NEGR1: variants seen among roughly 807,000 people sequenced by gnomAD.
NEGR1 encodes neuronal growth regulator 1.
A neutral mutation model predicts 40.9 loss-of-function variants in NEGR1; 10 were observed. The ratio of observed to expected loss-of-function variants is 0.24; its 90% confidence interval spans 0.15 to 0.42. The LOEUF (loss-of-function observed/expected upper bound fraction) is 0.42, where lower values mean the gene tolerates loss of function less well. NEGR1 is among the 10% of genes least tolerant of loss of function. The pLI is 1.00. For missense variants in NEGR1, 352 were observed against 438.9 expected (o/e 0.80, Z 1.77); for synonymous variants, 185 against 166.8 (o/e 1.11, Z -0.84).
intron 1 of NEGR1, among the ~76,000 whole-genome samples, chr1:72,084,475 G>C (rs1294696517): frequency 6.6e-6 from 1 of 152,090 alleles, no homozygotes; most frequent in Non-Finnish European, 1.5e-5. Context: ...TTTTTCAACT[G>C]TAATTGATCA....
chr1:72,193,718 C>T (rs945119520), intron 1 of NEGR1, among the ~76,000 whole-genome samples: 1 of 150,960 alleles, frequency 6.6e-6, no homozygotes, highest in Non-Finnish European at 1.5e-5. Context: ...TACTTTTATA[C>T]AGATACATAC....
At chr1:71,491,517 T>G (rs1646927284) in intron 6 of NEGR1, among the ~76,000 whole-genome samples, 1 of 151,396 alleles carries the variant, frequency 6.6e-6, no homozygotes, top group African/African-American at 2.4e-5. Flanking sequence ...AGTGTTATGA[T>G]GGAGGGGGAG....
intron 1 of NEGR1, among the ~76,000 whole-genome samples, chr1:71,946,994 T>C (rs1646025368): frequency 6.7e-6 from 1 of 150,290 alleles, no homozygotes; most frequent in Non-Finnish European, 1.5e-5. Flanking sequence ...GATGGAAGGA[T>C]GGCTTGAGTC....
chr1:71,555,136 G>A lies in NEGR1; in HGVS notation c.940+37681C>T, dbSNP rs747408751. On this transcript the variant is annotated intron_variant, in intron 6 of 6. Coordinates refer to ENST00000357731, the MANE Select transcript of NEGR1 (RefSeq NM_173808.3). Reference sequence around the variant, plus strand: ...GTAATGGATTGAGAAGCCCTAGTTGGCCATTGCTGCCATGAATCCCCCTCA... The same window carrying A: ...GTAATGGATTGAGAAGCCCTAGTTGACCATTGCTGCCATGAATCCCCCTCA... Among the ~76,000 whole-genome samples, 117 of 151,664 alleles carry A rather than the reference G, an allele frequency of 7.7e-4. 1 individual carries two copies. The highest frequency in any genetic ancestry group is 1.3e-3 in the Non-Finnish European group (89 of 67,694).
intron 3 of NEGR1, among the ~76,000 whole-genome samples, chr1:71,729,921 T>A (rs948103762): frequency 1.8e-4 from 27 of 151,802 alleles, no homozygotes; most frequent in Admixed American, 1.7e-3. Context: ...GAGAAAAGAA[T>A]CTTTTTTATT....
chr1:71,402,775 A>T lies in NEGR1; in HGVS notation c.*4671T>A, dbSNP rs1646254756. 6.6e-6 allele frequency: 1 copy of T among 152,104 alleles called. No homozygotes were observed. Among genetic ancestry groups the T allele is most frequent in the Admixed American group, 6.6e-5 (1 of 15,260 alleles). The allele number at this position is 152,104 out of a possible 1,614,324, so 9.4% of individuals were successfully genotyped here. A position where few individuals can be genotyped will look rare whatever the true frequency, so the allele number is the denominator to read the frequency against. Reference sequence around the variant, plus strand: ...GAATAATTATTTTCTGTATACCAAGATATGATTTTGAAGCATCTATGTTTT... The same window carrying T: ...GAATAATTATTTTCTGTATACCAAGTTATGATTTTGAAGCATCTATGTTTT... On this transcript the variant is annotated 3_prime_UTR_variant, in exon 7 of 7. Transcript: ENST00000357731.
At chr1:71,505,975 GA>G (rs1046088652) in intron 6 of NEGR1, among the ~76,000 whole-genome samples, 1 of 151,694 alleles carries the variant, frequency 6.6e-6, no homozygotes, top group Non-Finnish European at 1.5e-5. Context: ...AATTTTTAGA[GA>G]AAAAAAAGTT....
rs527665692 is a variant in NEGR1 at position 71,435,290 on chromosome 1, T to C, written c.941-27720A>G. On this transcript the variant is annotated intron_variant, in intron 6 of 6. Transcript: ENST00000357731. ...ATGATTAGAGAAGAATTGAAGTTATTACGTGACAATTGGCAAAAGGAAGGT... is the reference window on the plus strand; with the variant it reads ...ATGATTAGAGAAGAATTGAAGTTATCACGTGACAATTGGCAAAAGGAAGGT... 5.3e-5 allele frequency among the ~76,000 whole-genome samples: 8 copies of C among 152,258 alleles called. No individual in the cohort carries two copies. The South Asian group carries it at 1.7e-3, about 32-fold the overall frequency.
At chr1:72,254,423 C>A (rs1481724630) in intron 1 of NEGR1, among the ~76,000 whole-genome samples, 1 of 152,094 alleles carries the variant, frequency 6.6e-6, no homozygotes, top group African/African-American at 2.4e-5. Flanking sequence ...GCATATTAGG[C>A]CAGGCGTGGT....
intron 1 of NEGR1, among the ~76,000 whole-genome samples, chr1:72,089,000 G>A (rs757745792): frequency 6.6e-6 from 1 of 151,740 alleles, no homozygotes; most frequent in Non-Finnish European, 1.5e-5. Context: ...TAAAAGGAAT[G>A]CTTTACCAAG....
intron 6 of NEGR1, among the ~76,000 whole-genome samples, chr1:71,525,352 C>T (rs1281623673): frequency 6.6e-6 from 1 of 151,632 alleles, no homozygotes; most frequent in Non-Finnish European, 1.5e-5. Context: ...CCTTTGTTTC[C>T]CTTCCTTTTT....
At chr1:71,632,800 C>A (rs1651018432) in intron 4 of NEGR1, among the ~76,000 whole-genome samples, 1 of 151,876 alleles carries the variant, frequency 6.6e-6, no homozygotes, top group Admixed American at 6.6e-5. Context: ...TCTGACTGAA[C>A]AGATGAATGA....
intron 1 of NEGR1, among the ~76,000 whole-genome samples, chr1:71,971,161 C>A (rs988432236): frequency 2.6e-5 from 4 of 152,164 alleles, no homozygotes; most frequent in Non-Finnish European, 5.9e-5. Context: ...GTGAAGCCAC[C>A]AGAACCTGGA....
chr1:71,679,145 C>T (rs1428308713), intron 4 of NEGR1, among the ~76,000 whole-genome samples: 4 of 152,134 alleles, frequency 2.6e-5, no homozygotes, highest in African/African-American at 9.7e-5. Flanking sequence ...TTTCCTTCTA[C>T]TAACATCACA....
rs1348531294 is a variant in NEGR1 at position 71,936,088 on chromosome 1, C to T, written c.177-777G>A. On this transcript the variant is annotated intron_variant, in intron 1 of 6. Coordinates refer to ENST00000357731, the MANE Select transcript of NEGR1 (RefSeq NM_173808.3). ...TGCTGGGATTACAGGCTTGAGCCAC[C>T]ATGCCCGGCCTATAAGGGTTTACTT... Among the ~76,000 whole-genome samples the T allele has an allele frequency of 2.6e-5, 4 of 152,154 alleles. No homozygotes were observed. In the East Asian group the frequency reaches 7.7e-4, roughly 29 times the overall value.
intron 1 of NEGR1, among the ~76,000 whole-genome samples, chr1:72,218,564 A>G (rs959873369): frequency 1.3e-5 from 2 of 152,144 alleles, no homozygotes; most frequent in Non-Finnish European, 2.9e-5. Context: ...GAATTAACAT[A>G]TAAATTCAAA....
intron 6 of NEGR1, among the ~76,000 whole-genome samples, chr1:71,451,037 T>C (rs1177067459): frequency 1.3e-5 from 2 of 152,158 alleles, no homozygotes; most frequent in East Asian, 3.9e-4. Flanking sequence ...AGAAAGGTCA[T>C]ATTCTAACCT....
At chr1:72,174,142 G>A (rs925094932) in intron 1 of NEGR1, among the ~76,000 whole-genome samples, 1 of 152,006 alleles carries the variant, frequency 6.6e-6, no homozygotes, top group African/African-American at 2.4e-5. Context: ...GTATGAAGAT[G>A]TAAATTTCAT....
chr1:72,012,798 T>C lies in NEGR1; in HGVS notation c.177-77487A>G, dbSNP rs578024909. Among the ~76,000 whole-genome samples, 104 of 144,758 alleles carry C rather than the reference T, an allele frequency of 7.2e-4. 1 individual carries two copies. The highest frequency in any genetic ancestry group is 2.5e-3 in the African/African-American group (103 of 40,460). The allele number at this position is 144,758 out of a possible 152,430, so 95.0% of individuals were successfully genotyped here. On this transcript the variant is annotated intron_variant, in intron 1 of 6. Transcript: ENST00000357731. ...ATATTTTGTTAACATTAGTAATGTG[T>C]GTGTGTATATATATATATACACACA...
Sources: allele counts gnomAD v4.1 joint callset (sites outside exome capture counted in the v4.1 genomes callset), GRCh38; gene constraint gnomAD v4.1.1; transcripts MANE v1.5; gene names NCBI Gene and HGNC (gene_info 2026-07-23, HGNC 2026-07-21).